MFSD11: variants seen among roughly 807,000 people sequenced by gnomAD.
MFSD11 encodes the protein major facilitator superfamily domain containing 11, also known as UNC93-like protein MFSD11.
Under a neutral mutation model 53.5 loss-of-function variants are expected in MFSD11, and 36 were observed. The ratio of observed to expected loss-of-function variants is 0.67; its 90% CI spans 0.52 to 0.89. The LOEUF (loss-of-function observed/expected upper bound fraction) is 0.89. MFSD11 is among the 40% of genes least tolerant of loss of function. The pLI, the probability that MFSD11 is intolerant of heterozygous loss-of-function variation, is 0.00. For synonymous variants in MFSD11, 186 were observed against 184.9 expected, an observed-to-expected ratio of 1.01 and a Z score of -0.05; for missense variants, 530 against 543.9, an observed-to-expected ratio of 0.97 and a Z score of 0.25.
Position 76,742,274 on chromosome 17 carries a change from G to T in MFSD11, c.437+1G>T. On this transcript the variant is annotated splice_donor_variant, in intron 5 of 12. Coordinates refer to ENST00000685175, the MANE Select transcript of MFSD11 (RefSeq NM_001242532.5). LOFTEE classifies it high-confidence loss of function. Reference sequence around the variant, plus strand: ...TTTTCTGGGCACTTCTGCAGTCTAGGTAATTATCCTTTTGAGGTTCAGTCT... The same window carrying T: ...TTTTCTGGGCACTTCTGCAGTCTAGTTAATTATCCTTTTGAGGTTCAGTCT... The T allele has an allele frequency of 5.6e-6, 9 of 1,611,184 alleles. No individual in the cohort carries two copies. The highest frequency in any genetic ancestry group is 7.6e-6 in the Non-Finnish European group (9 of 1,177,578).
At chr17:76,801,013 G>A in the MFSD11 span, among the ~76,000 whole-genome samples, 1 of 151,748 alleles carries the variant, frequency 6.6e-6, no homozygotes, top group Non-Finnish European at 1.5e-5. Context: ...AGAGGCAGAG[G>A]TTGCAGTGAG....
chr17:76,794,702 T>G, the MFSD11 span, among the ~76,000 whole-genome samples: 483 of 5,116 alleles, frequency 0.094, 55 homozygotes, highest in African/African-American at 0.13. Flanking sequence ...TTTTTTTTTT[T>G]TTTGTTTTGA....
At chr17:76,771,814 T>A (rs891271621) in intron 10 of MFSD11, among the ~76,000 whole-genome samples, 1 of 152,168 alleles carries the variant, frequency 6.6e-6, no homozygotes, top group African/African-American at 2.4e-5. Context: ...GAGAGAATGC[T>A]GTAGGAGATG....
intron 8 of MFSD11, among the ~76,000 whole-genome samples, chr17:76,761,611 C>T (rs1018598157): frequency 6.6e-6 from 1 of 152,008 alleles, no homozygotes; most frequent in Admixed American, 6.6e-5. Context: ...TAGATTCTGC[C>T]TTTTTAAATT....
chr17:76,784,679 G>C (rs2082249800), downstream of MFSD11, among the ~76,000 whole-genome samples: 1 of 152,146 alleles, frequency 6.6e-6, no homozygotes, highest in Admixed American at 6.6e-5. Context: ...TGGATCACTT[G>C]AGGTCAGGAG....
At chr17:76,759,302 A>G (rs2079959709) in intron 8 of MFSD11, among the ~76,000 whole-genome samples, 1 of 149,802 alleles carries the variant, frequency 6.7e-6, no homozygotes, top group African/African-American at 2.5e-5. Context: ...TTTTTTTTTG[A>G]GATGGACTGG....
At chr17:76,753,994 G>C (rs1055911366) in intron 7 of MFSD11, 53 bp from the exon 8 acceptor site, 4 of 1,440,498 alleles carry the variant, frequency 2.8e-6, no homozygotes, top group South Asian at 1.2e-5. Context: ...TCGTATGTTT[G>C]TTCTTTTATT....
At chr17:76,742,093 C>T in intron 4 of MFSD11, 45 bp downstream of exon 4, 1 of 1,613,944 alleles carries the variant, frequency 6.2e-7, no homozygotes, top group East Asian at 2.2e-5. Context: ...TTTCTGGGGC[C>T]TATCTAAGGG....
intron 10 of MFSD11, among the ~76,000 whole-genome samples, chr17:76,771,237 G>A (rs2456784): frequency 0.011 from 1,623 of 152,344 alleles, 23 homozygotes; most frequent in African/African-American, 0.036. Context: ...GTAAACTTCA[G>A]TATGGTTGAA....
intron 8 of MFSD11, among the ~76,000 whole-genome samples, chr17:76,754,683 CAAA>C (rs10667934): frequency 1.7e-5 from 2 of 119,382 alleles, no homozygotes; most frequent in Non-Finnish European, 1.7e-5. Flanking sequence ...GACTCCATCT[CAAA>C]AAAAAAAAAA....
chr17:76,781,352 C>T (rs186564886), downstream of MFSD11: 1 of 152,388 alleles, frequency 6.6e-6, no homozygotes, highest in East Asian at 1.9e-4. Context: ...GCAAGGACAG[C>T]TGGAGAGAAC....
chr17:76,741,645 G>T (rs894337032), intron 3 of MFSD11, among the ~76,000 whole-genome samples: 1 of 151,996 alleles, frequency 6.6e-6, no homozygotes, highest in African/African-American at 2.4e-5. Flanking sequence ...AAAATTAGCC[G>T]GGCTTGGTGG....
chr17:76,737,284 A>G (rs914394626), upstream of MFSD11: 54 of 1,332,994 alleles, frequency 4.1e-5, no homozygotes, highest in Non-Finnish European at 5.4e-5. Flanking sequence ...GCCTTGCCGC[A>G]GAACAGCACG....
chr17:76,749,895 A>T (rs1273542362), intron 7 of MFSD11, among the ~76,000 whole-genome samples: 1 of 151,942 alleles, frequency 6.6e-6, no homozygotes, highest in Admixed American at 6.6e-5. Context: ...TTCTCAAAAA[A>T]AAAAAAAAAA....
chr17:76,755,736 A>ATG (rs2079501179), intron 8 of MFSD11, among the ~76,000 whole-genome samples: 1 of 130,106 alleles, frequency 7.7e-6, no homozygotes, highest in Non-Finnish European at 1.7e-5. Context: ...ATATGTATAT[A>ATG]TATGTATATA....
intron 9 of MFSD11, 43 bp from the exon 10 acceptor site, chr17:76,769,703 T>G (rs2099148849): frequency 6.6e-7 from 1 of 1,509,110 alleles, no homozygotes; most frequent in African/African-American, 1.4e-5. Flanking sequence ...TAAACAAAAA[T>G]GTGAATATAT....
At chr17:76,803,667 ATC>A in the MFSD11 span, among the ~76,000 whole-genome samples, 2 of 152,104 alleles carry the variant, frequency 1.3e-5, no homozygotes, top group African/African-American at 4.8e-5. Flanking sequence ...GCATGATTTC[ATC>A]TCTGACCCAA....
chr17:76,785,897 G>A (rs1020366592), downstream of MFSD11, among the ~76,000 whole-genome samples: 14 of 151,706 alleles, frequency 9.2e-5, no homozygotes, highest in Admixed American at 3.9e-4. Flanking sequence ...CCTGGCCAAC[G>A]TGCTGAAATC....
Position 76,738,330 on chromosome 17 carries a change from G to A in MFSD11, c.-23G>A. The A allele has an allele frequency of 6.3e-7, 1 of 1,578,980 alleles. No homozygotes were observed. Among genetic ancestry groups the A allele is most frequent in the Non-Finnish European group, 8.7e-7 (1 of 1,148,354 alleles). ...GGAGAGCTGACTGCCCTGGGCTGCT[G>A]CCTCCGGCAGAGCTGAGCCAAAATG... On this transcript the variant is annotated 5_prime_UTR_variant, in exon 1 of 13. Coordinates refer to ENST00000685175, the MANE Select transcript of MFSD11 (RefSeq NM_001242532.5).
Sources: gnomAD v4.1 joint callset for allele counts (sites outside exome capture counted in the v4.1 genomes callset) on GRCh38, gnomAD v4.1.1 for gene constraint, MANE v1.5 for transcripts, NCBI Gene and HGNC (gene_info 2026-07-23, HGNC 2026-07-21) for gene names.